Variants in CASP14 observed in about 807,000 individuals in gnomAD.
CASP14 encodes the protein caspase-14.
In CASP14, 27 loss-of-function variants were observed where a neutral mutation model predicts 28.4. That is an observed-to-expected ratio of 0.95 (90% CI 0.70 to 1.31). The LOEUF is 1.31. Among genes scored for constraint, CASP14 ranks in the 50% most tolerant of loss-of-function variants. The pLI, the probability that CASP14 is intolerant of heterozygous loss-of-function variation, is 0.00. For synonymous variants in CASP14, 115 were observed against 118.6 expected, an observed-to-expected ratio of 0.97 and a Z score of 0.20; for missense variants, 323 against 312.8, an observed-to-expected ratio of 1.03 and a Z score of -0.25.
Position 15,053,959 on chromosome 19 carries a change from G to A in CASP14, c.403+1G>A, listed in dbSNP as rs780351663. 4.3e-6 allele frequency: 7 copies of A among 1,611,250 alleles called. No homozygotes were observed. Among genetic ancestry groups the A allele is most frequent in the Non-Finnish European group, 5.9e-6 (7 of 1,178,600 alleles). ...TACATCATACAGGCCTGTCGAGGAG[G>A]TGGGGACAGATCCAAGAGCACAGAG... On this transcript the variant is annotated splice_donor_variant, in intron 4 of 6. Transcript: ENST00000427043. LOFTEE classifies it high-confidence loss of function.
chr19:15,050,499 T>G (rs928152408), intron 1 of CASP14, among the ~76,000 whole-genome samples: 2 of 123,730 alleles, frequency 1.6e-5, no homozygotes, highest in Admixed American at 1.7e-4. Flanking sequence ...GATGGATTGA[T>G]GGATGGATGG....
chr19:15,052,834 G>C (rs947594986), intron 2 of CASP14, among the ~76,000 whole-genome samples: 2 of 152,132 alleles, frequency 1.3e-5, no homozygotes, highest in Non-Finnish European at 2.9e-5. Context: ...TGGAAACTGA[G>C]GCTCAGATGG....
rs1329266999 is a variant in CASP14, at chr19:15,050,042, A to G, written c.-47+397A>G. 2.0e-5 allele frequency among the ~76,000 whole-genome samples: 3 copies of G among 152,124 alleles called. No individual in the cohort carries two copies. In the East Asian group the frequency reaches 5.8e-4, roughly 29 times the overall value. Reference sequence around the variant, plus strand: ...AGCAAGCAGAGCTGTGAGAGTCCAGAGAAGGAAGAGGAAAGTTCCAGGAGG... The same window carrying G: ...AGCAAGCAGAGCTGTGAGAGTCCAGGGAAGGAAGAGGAAAGTTCCAGGAGG... On this transcript the variant is annotated intron_variant, in intron 1 of 6. Coordinates refer to ENST00000427043, the MANE Select transcript of CASP14 (RefSeq NM_012114.3).
At position 15,049,978 on chromosome 19, in the gene CASP14, G is replaced by A. The variant is rs190920234; in HGVS notation, c.-47+333G>A. Among the ~76,000 whole-genome samples, 46 of 152,254 alleles carry A rather than the reference G, an allele frequency of 3.0e-4. 1 individual carries two copies. The Middle Eastern group carries it at 0.014, about 45-fold the overall frequency. Reference sequence around the variant, plus strand: ...AAAACTGAGCTGCCAGTTCAGCCATGAGAGTAAGAATCAAAAACACTGCTG... The same window carrying A: ...AAAACTGAGCTGCCAGTTCAGCCATAAGAGTAAGAATCAAAAACACTGCTG... On this transcript the variant is annotated intron_variant, in intron 1 of 6. Coordinates refer to ENST00000427043, the MANE Select transcript of CASP14 (RefSeq NM_012114.3).
rs2046112781 is a variant in CASP14 at position 15,055,510 on chromosome 19, C to T, written c.601C>T (p.His201Tyr). Reference protein sequence around the residue: ...LVDVFTKRKGHILELLTEVTR... With the variant: ...LVDVFTKRKGYILELLTEVTR... ...GGATGTGTTCACGAAGAGGAAAGGA[C>T]ATATCTTGGAACTTCTGACAGAGGT... The change falls in exon 6 of 7, where the codon CAT becomes TAT. Residue 201 changes from histidine (H) to tyrosine (Y), a missense_variant. Transcript: ENST00000427043. The T allele has an allele frequency of 1.2e-6, 2 of 1,613,784 alleles. No individual in the cohort carries two copies. The highest frequency in any genetic ancestry group is 1.7e-6 in the Non-Finnish European group (2 of 1,179,826).
Position 15,055,482 on chromosome 19 carries a change from G to A in CASP14, c.573G>A (p.Leu191=), listed in dbSNP as rs139574706. Residue 191 remains leucine, a synonymous_variant, in exon 6 of 7, where the codon CTG becomes CTA. Transcript: ENST00000427043. ...AAGGCTCATGCTTTATCCAGACCCT[G>A]GTGGATGTGTTCACGAAGAGGAAAG... The part of the protein sequence containing the change: ...DQKGSCFIQT[L]VDVFTKRKGH... The A allele has an allele frequency of 6.2e-7, 1 of 1,614,092 alleles. No individual in the cohort carries two copies. Among genetic ancestry groups the A allele is most frequent in the Admixed American group, 1.7e-5 (1 of 60,014 alleles).
rs1039988767 is a variant in CASP14 at position 15,052,203 on chromosome 19, A to G, written c.-46-3A>G. 3.2e-6 allele frequency: 5 copies of G among 1,570,786 alleles called. No individual in the cohort carries two copies. The African/African-American group carries it at 6.9e-5, about 22-fold the overall frequency. On this transcript the variant is annotated splice_region_variant and splice_polypyrimidine_tract_variant and intron_variant, in intron 1 of 6. Coordinates refer to ENST00000427043, the MANE Select transcript of CASP14 (RefSeq NM_012114.3). ...CTTTAACCTATCTTCTCTTGACTCC[A>G]AGGATCAGACAAGGGTGCTGAGAGC...
At position 15,054,045 on chromosome 19, in the gene CASP14, C is replaced by T. The variant is rs148242462; in HGVS notation, c.403+87C>T. 9.2e-4 allele frequency: 1,013 copies of T among 1,106,868 alleles called. 8 individuals carry two copies. The African/African-American group carries it at 0.014, about 15-fold the overall frequency. 68.6% of individuals were successfully genotyped at this position (1,106,868 alleles called of 1,614,324 possible). ...CAGCACCCAGGCTGGAATGCAGTGG[C>T]GGAATCTCAACTCACTGCAATCTCC... On this transcript the variant is annotated intron_variant, in intron 4 of 6. Transcript: ENST00000427043.
At position 15,056,061 on chromosome 19, in the gene CASP14, C is replaced by A; in HGVS notation, c.701C>A (p.Thr234Asn). 6.2e-7 allele frequency: 1 copy of A among 1,605,144 alleles called. No homozygotes were observed. The highest frequency in any genetic ancestry group is 8.5e-7 in the Non-Finnish European group (1 of 1,175,644). Residue 234 changes from threonine (T) to asparagine (N), a missense_variant, in exon 7 of 7, where the codon ACC becomes AAC. Physicochemically the swap from Thr to Asn is moderately conservative, Grantham distance 65. Coordinates refer to ENST00000427043, the MANE Select transcript of CASP14 (RefSeq NM_012114.3). ...AAAACGAACCCTGAAATCCAAAGCACCCTCCGGAAACGGCTGTATCTGCAG... is the reference window on the plus strand; with the variant it reads ...AAAACGAACCCTGAAATCCAAAGCAACCTCCGGAAACGGCTGTATCTGCAG... ...ARKTNPEIQS[T>N]LRKRLYLQ is the part of the protein sequence containing the mutation.
intron 4 of CASP14, among the ~76,000 whole-genome samples, chr19:15,054,398 A>G (rs2046106085): frequency 1.3e-5 from 2 of 152,176 alleles, no homozygotes; most frequent in Non-Finnish European, 2.9e-5. Flanking sequence ...GAGCAATGTA[A>G]CAAGAACCCA....
chr19:15,055,120 C>T, intron 4 of CASP14, 38 bp from the exon 5 acceptor site: 1 of 1,542,210 alleles, frequency 6.5e-7, no homozygotes, highest in Admixed American at 1.7e-5. Context: ...CCTTACCTTT[C>T]TCTCTGACTT....
At chr19:15,051,558 A>G (rs1393205143) in intron 1 of CASP14, among the ~76,000 whole-genome samples, 1 of 151,736 alleles carries the variant, frequency 6.6e-6, no homozygotes, top group Non-Finnish European at 1.5e-5. Context: ...AAGTGTAGGA[A>G]AAGGCAAAGA....
rs1334201604 is a variant in CASP14 at position 15,055,499 on chromosome 19, AGAGGAAAG to A, written c.593_600del (p.Arg198ThrfsTer30). ...CAGACCCTGGTGGATGTGTTCACGA[AGAGGAAAG>A]GACATATCTTGGAACTTCTGACAGA... On this transcript the variant is annotated frameshift_variant, in exon 6 of 7. Coordinates refer to ENST00000427043, the MANE Select transcript of CASP14 (RefSeq NM_012114.3). LOFTEE classifies it high-confidence loss of function. The A allele has an allele frequency of 3.1e-6, 5 of 1,614,000 alleles. No homozygotes were observed. The highest frequency in any genetic ancestry group is 4.2e-6 in the Non-Finnish European group (5 of 1,179,974).
Position 15,057,128 on chromosome 19 carries a change from G to T in CASP14, c.*1039G>T, listed in dbSNP as rs1340249961. 6.6e-6 allele frequency: 1 copy of T among 152,098 alleles called. No homozygotes were observed. The highest frequency in any genetic ancestry group is 6.6e-5 in the Admixed American group (1 of 15,260). The allele number at this position is 152,098 out of a possible 1,614,324, so 9.4% of individuals were successfully genotyped here. On this transcript the variant is annotated 3_prime_UTR_variant, in exon 7 of 7. Transcript: ENST00000427043. ...CCTCCAGGTAACCTTGCAGCACCAG[G>T]CTGGAAGTCAGATCGGCTTCACTAT...
intron 1 of CASP14, among the ~76,000 whole-genome samples, chr19:15,051,425 G>A: frequency 6.7e-6 from 1 of 150,066 alleles, no homozygotes; most frequent in East Asian, 2.0e-4. Flanking sequence ...CTTGAACCCA[G>A]GAGGCAGAGG....
At chr19:15,054,260 T>TA (rs1437370229) in intron 4 of CASP14, among the ~76,000 whole-genome samples, 2 of 152,118 alleles carry the variant, frequency 1.3e-5, no homozygotes, top group Non-Finnish European at 2.9e-5. Flanking sequence ...TCTGTGTTTT[T>TA]ATCCAAGCCA....
At position 15,055,893 on chromosome 19, in the gene CASP14, G is replaced by T. The variant is rs1038685003; in HGVS notation, c.625-92G>T. 3.2e-6 allele frequency: 3 copies of T among 934,122 alleles called. No individual in the cohort carries two copies. In the Admixed American group the frequency reaches 6.3e-5, roughly 20 times the overall value. The allele number at this position is 934,122 out of a possible 1,614,324, so 57.9% of individuals were successfully genotyped here. A position where few individuals can be genotyped will look rare whatever the true frequency, so the allele number is the denominator to read the frequency against. Reference sequence around the variant, plus strand: ...GAGGCCACAACGGTCTCTCATCTTAGGACAAGAATACCCACCTGCCCCGTT... The same window carrying T: ...GAGGCCACAACGGTCTCTCATCTTATGACAAGAATACCCACCTGCCCCGTT... On this transcript the variant is annotated intron_variant, in intron 6 of 6. Transcript: ENST00000427043.
chr19:15,055,997 A>G lies in CASP14; in HGVS notation c.637A>G (p.Met213Val). Residue 213 changes from methionine (M) to valine (V), a missense_variant, in exon 7 of 7, where the codon ATG (methionine) becomes GTG (valine). Transcript: ENST00000427043. ...LELLTEVTRR[M>V]AEAELVQEGK... ...CCTGTTGCTGCAGGTGACCCGGCGG[A>G]TGGCAGAAGCAGAGCTGGTTCAAGA... 6.2e-7 allele frequency: 1 copy of G among 1,606,978 alleles called. No individual in the cohort carries two copies. The highest frequency in any genetic ancestry group is 8.5e-7 in the Non-Finnish European group (1 of 1,176,552).
rs1397743785 is a variant in CASP14, at chr19:15,056,463, C to T, written c.*374C>T. On this transcript the variant is annotated 3_prime_UTR_variant, in exon 7 of 7. Transcript: ENST00000427043. ...CATAGACAAACCAAAGCCCACTCAT[C>T]CCCTCCTACCCCAATCCAACCTCTG... The T allele has an allele frequency of 5.0e-6, 1 of 200,670 alleles. No homozygotes were observed. The highest frequency in any genetic ancestry group is 2.3e-5 in the African/African-American group (1 of 43,598). 12.4% of individuals were successfully genotyped at this position (200,670 alleles called of 1,614,324 possible).
Sources: gnomAD v4.1 joint callset for allele counts (sites outside exome capture counted in the v4.1 genomes callset) on GRCh38, gnomAD v4.1.1 for gene constraint, MANE v1.5 for transcripts, NCBI Gene and HGNC (gene_info 2026-07-23, HGNC 2026-07-21) for gene names.